The following DLGAP4 variants were observed in gnomAD, a reference collection of about 807,000 sequenced individuals.
The protein encoded by DLGAP4 is DLG associated protein 4, also known as disks large-associated protein 4.
A neutral mutation model predicts 86.9 loss-of-function variants in DLGAP4; 18 were observed. That is an observed-to-expected ratio of 0.21 (90% CI 0.14 to 0.31). The LOEUF (loss-of-function observed/expected upper bound fraction) is 0.31. Ranked by LOEUF, DLGAP4 falls within the 10% of genes least tolerant of loss-of-function variation. The pLI is 1.00. For missense variants in DLGAP4, 1,085 were observed against 1,362.6 expected (o/e 0.80, Z 3.21); for synonymous variants, 548 against 574.3 (o/e 0.95, Z 0.65).
At chr20:36,311,017 C>T (rs1263444278) in intron 1 of DLGAP4, among the ~76,000 whole-genome samples, 1 of 152,152 alleles carries the variant, frequency 6.6e-6, no homozygotes, top group East Asian at 1.9e-4. Flanking sequence ...CCTATATCCC[C>T]TCCACAGCGT....
intron 10 of DLGAP4, among the ~76,000 whole-genome samples, chr20:36,514,118 TC>T (rs572418562): frequency 1.9e-4 from 28 of 151,156 alleles, no homozygotes; most frequent in Non-Finnish European, 4.0e-4. Flanking sequence ...AACAGCAAGA[TC>T]AAAGGAAGAG....
chr20:36,326,511 GTAT>G (rs782034873), intron 1 of DLGAP4, among the ~76,000 whole-genome samples: 2 of 151,914 alleles, frequency 1.3e-5, no homozygotes, highest in African/African-American at 2.4e-5. Context: ...CGATCTTGTA[GTAT>G]TATTATTATG....
chr20:36,438,703 CTT>C (rs35909803), intron 4 of DLGAP4, among the ~76,000 whole-genome samples: 179 of 69,538 alleles, frequency 2.6e-3, no homozygotes, highest in East Asian at 4.9e-3. Context: ...GTTTCCCCAT[CTT>C]TTTTTTTTTT....
intron 10 of DLGAP4, among the ~76,000 whole-genome samples, chr20:36,513,521 A>G (rs1350177268): frequency 8.9e-5 from 13 of 145,752 alleles, no homozygotes; most frequent in Admixed American, 4.9e-4. Context: ...GCAGTCCGCA[A>G]TCCGGCCTGG....
At chr20:36,409,034 CTTTTTTTTTT>C (rs35210861) in intron 2 of DLGAP4, among the ~76,000 whole-genome samples, 35 of 111,172 alleles carry the variant, frequency 3.1e-4, no homozygotes, top group African/African-American at 1.2e-3. Flanking sequence ...AAATAAAAGG[CTTTTTTTTTT>C]TTTTTTTTTG....
chr20:36,448,984 T>G (rs1261904112), intron 7 of DLGAP4, among the ~76,000 whole-genome samples: 1 of 152,114 alleles, frequency 6.6e-6, no homozygotes, highest in African/African-American at 2.4e-5. Flanking sequence ...AGAGAGGCAC[T>G]GCTTCAAGTG....
chr20:36,462,046 G>A (rs1398671084), intron 7 of DLGAP4: 1 of 987,100 alleles, frequency 1.0e-6, no homozygotes, highest in Non-Finnish European at 1.2e-6. Context: ...AGGGCTCCCC[G>A]TGAGTTTCTT....
intron 7 of DLGAP4, among the ~76,000 whole-genome samples, chr20:36,448,200 A>C (rs1362991019): frequency 6.6e-6 from 1 of 152,086 alleles, no homozygotes; most frequent in Non-Finnish European, 1.5e-5. Flanking sequence ...AAAATTAAAA[A>C]TTCGCTGGTC....
At chr20:36,458,273 G>A (rs1249178390) in intron 7 of DLGAP4, among the ~76,000 whole-genome samples, 1 of 151,404 alleles carries the variant, frequency 6.6e-6, no homozygotes, top group African/African-American at 2.4e-5. Context: ...CACTTTGGTA[G>A]GCCGAGGCAG....
intron 2 of DLGAP4, among the ~76,000 whole-genome samples, chr20:36,427,087 T>C (rs1259622727): frequency 6.6e-6 from 1 of 151,840 alleles, no homozygotes; most frequent in African/African-American, 2.4e-5. Context: ...AAGAAGCTGA[T>C]GTGGGAGGAC....
intron 1 of DLGAP4, among the ~76,000 whole-genome samples, chr20:36,332,304 G>GC (rs2065276910): frequency 6.6e-6 from 1 of 151,936 alleles, no homozygotes; most frequent in South Asian, 2.1e-4. Flanking sequence ...GATCTCCACG[G>GC]CCCCCCTCCT....
intron 2 of DLGAP4, among the ~76,000 whole-genome samples, chr20:36,377,605 C>T (rs2147436746): frequency 6.6e-6 from 1 of 152,288 alleles, no homozygotes; most frequent in Admixed American, 6.5e-5. Flanking sequence ...CTCCTGCCTG[C>T]CTGCCCTTCG....
intron 1 of DLGAP4, among the ~76,000 whole-genome samples, chr20:36,365,146 T>G (rs2030640653): frequency 6.6e-6 from 1 of 152,124 alleles, no homozygotes; most frequent in South Asian, 2.1e-4. Flanking sequence ...AGACTTGCCG[T>G]TCTGTCAGCA....
intron 2 of DLGAP4, among the ~76,000 whole-genome samples, chr20:36,401,987 G>A (rs935231549): frequency 2.0e-5 from 3 of 152,234 alleles, no homozygotes; most frequent in African/African-American, 4.8e-5. Context: ...GGAGCGGGGT[G>A]TGAGAGAAAG....
intron 10 of DLGAP4, among the ~76,000 whole-genome samples, chr20:36,514,339 A>G (rs757227597): frequency 7.2e-5 from 11 of 152,318 alleles, no homozygotes; most frequent in East Asian, 1.9e-4. Flanking sequence ...TGGAGACCAC[A>G]TGCATGGATT....
At chr20:36,466,469 G>A (rs190267858) in intron 7 of DLGAP4, among the ~76,000 whole-genome samples, 2 of 152,300 alleles carry the variant, frequency 1.3e-5, no homozygotes, top group Non-Finnish European at 2.9e-5. Flanking sequence ...TGCAGGCTGT[G>A]GAATTGAACA....
chr20:36,452,998 A>G (rs1178034911), intron 7 of DLGAP4, among the ~76,000 whole-genome samples: 1 of 151,158 alleles, frequency 6.6e-6, no homozygotes, highest in Non-Finnish European at 1.5e-5. Context: ...ATGCCTGGCT[A>G]ATTTTTGTAT....
chr20:36,311,233 T>TTG (rs1555889833), intron 1 of DLGAP4, among the ~76,000 whole-genome samples: 5 of 149,580 alleles, frequency 3.3e-5, no homozygotes, highest in African/African-American at 1.3e-4. Context: ...ACTCGGAGGG[T>TTG]GGGGGGGGTG....
At chr20:36,453,934 C>CAAAAA (rs1194294335) in intron 7 of DLGAP4, among the ~76,000 whole-genome samples, 9 of 42,478 alleles carry the variant, frequency 2.1e-4, no homozygotes, top group East Asian at 6.8e-4. Context: ...ACTCTGTCTC[C>CAAAAA]AAAAAAAAAA....
Sources: gnomAD v4.1 joint callset for allele counts (sites outside exome capture counted in the v4.1 genomes callset) on GRCh38, gnomAD v4.1.1 for gene constraint, MANE v1.5 for transcripts, NCBI Gene and HGNC (gene_info 2026-07-23, HGNC 2026-07-21) for gene names.